Variants in MESP1 observed in about 807,000 individuals in gnomAD.
MESP1 encodes the protein mesoderm posterior bHLH transcription factor 1.
In MESP1, 22 loss-of-function variants were observed where a neutral mutation model predicts 15.2. The observed-to-expected ratio is 1.45, with a 90% CI of 1.04 to 2.07. MESP1 has a LOEUF of 2.07. Ranked by LOEUF, MESP1 falls within the 30% of genes most tolerant of loss-of-function variation. The pLI, the probability that MESP1 is intolerant of heterozygous loss-of-function variation, is 0.00. For missense variants in MESP1, 484 were observed against 411.9 expected, an observed-to-expected ratio of 1.17 and a Z score of -1.51; for synonymous variants, 216 against 192.6, an observed-to-expected ratio of 1.12 and a Z score of -1.01.
In MESP1 at chr15:89,750,019, A is replaced by G; in HGVS notation, c.*125T>C. 2 of 933,626 alleles carry G rather than the reference A, an allele frequency of 2.1e-6. No individual in the cohort carries two copies. Among genetic ancestry groups the G allele is most frequent in the Non-Finnish European group, 1.7e-6 (1 of 578,142 alleles). The allele number at this position is 933,626 out of a possible 1,614,324, so 57.8% of individuals were successfully genotyped here. On this transcript the variant is annotated 3_prime_UTR_variant, in exon 2 of 2. Transcript: ENST00000300057. The stretch of plus-strand genomic sequence containing the variant: ...CGCGGTGGGGACGGCTCTCACCCGC[A>G]GGAATGCCCCCGTCGGGATCGCCCG...
downstream of MESP1, among the ~76,000 whole-genome samples, chr15:89,745,242 G>A (rs1228641791): frequency 1.3e-5 from 2 of 152,166 alleles, no homozygotes; most frequent in African/African-American, 4.8e-5. This position sits in a 1 kb window ranked among gnomAD's most constrained non-coding sequence, Gnocchi z 4.8. Flanking sequence ...CGGGTGGGGA[G>A]AGGGGATCTG....
the MESP1 span, among the ~76,000 whole-genome samples, chr15:89,736,993 G>A: frequency 3.2e-3 from 487 of 152,160 alleles, 1 homozygote; most frequent in Admixed American, 5.0e-3. Context: ...AGGTTTCACC[G>A]TGTTAGCCAG....
the MESP1 span, among the ~76,000 whole-genome samples, chr15:89,737,201 T>C: frequency 2.6e-5 from 4 of 152,074 alleles, no homozygotes; most frequent in East Asian, 3.9e-4. Context: ...GGCTGTTAGA[T>C]TGAGCAAGGT....
chr15:89,750,902 C>CGGTA lies in MESP1; in HGVS notation c.326_329dup (p.Pro111ThrfsTer47), dbSNP rs909560069. On this transcript the variant is annotated frameshift_variant, in exon 1 of 2. Transcript: ENST00000300057. LOFTEE classifies it high-confidence loss of function. ...TCTGGCCCGCGGGCGCCACGGACGG[C>CGGTA]GGTAGAAAGCGGCGCAGCTCGTGCA... 1 of 1,486,534 alleles carries CGGTA rather than the reference C, an allele frequency of 6.7e-7. No homozygotes were observed. Among genetic ancestry groups the CGGTA allele is most frequent in the African/African-American group, 1.4e-5 (1 of 69,040 alleles). 92.1% of individuals were successfully genotyped at this position (1,486,534 alleles called of 1,614,324 possible).
the MESP1 span, chr15:89,738,337 T>C: frequency 7.2e-7 from 1 of 1,395,584 alleles, no homozygotes; most frequent in Non-Finnish European, 9.6e-7. Flanking sequence ...AGCATTGAAA[T>C]TTCCCCTGGC....
chr15:89,749,084 G>A (rs892980415), downstream of MESP1: 1 of 152,176 alleles, frequency 6.6e-6, no homozygotes. Flanking sequence ...CTGGCTGGAT[G>A]AGGACACACT....
chr15:89,748,838 A>G (rs893018236), downstream of MESP1: 7 of 152,124 alleles, frequency 4.6e-5, no homozygotes, highest in African/African-American at 1.7e-4. Context: ...TGCTTGCACA[A>G]CTCTGTGGAT....
At chr15:89,738,288 T>C in the MESP1 span, 24 of 1,515,148 alleles carry the variant, frequency 1.6e-5, no homozygotes, top group Non-Finnish European at 2.1e-5. Context: ...TGTCTCTGGA[T>C]TGAGGGATAG....
In MESP1 at chr15:89,750,960, T is replaced by G; in HGVS notation, c.272A>C (p.Glu91Ala). The G allele has an allele frequency of 6.9e-7, 1 of 1,442,372 alleles. No individual in the cohort carries two copies. Among genetic ancestry groups the G allele is most frequent in the Non-Finnish European group, 9.1e-7 (1 of 1,102,198 alleles). The allele number at this position is 1,442,372 out of a possible 1,614,324, so 89.3% of individuals were successfully genotyped here. A position where few individuals can be genotyped will look rare whatever the true frequency, so the allele number is the denominator to read the frequency against. Residue 91 changes from glutamate (E) to alanine (A), a missense_variant, in exon 1 of 2, where the codon GAG becomes GCG. Transcript: ENST00000300057. ...SGQRQSASEREKLRMRTLARA... is the reference protein window; with the variant it reads ...SGQRQSASERAKLRMRTLARA... Reference sequence around the variant, plus strand: ...GGCCAGCGTGCGCATGCGCAGTTTCTCCCGCTCACTGGCGCTCTGCCTCTG... The same window carrying G: ...GGCCAGCGTGCGCATGCGCAGTTTCGCCCGCTCACTGGCGCTCTGCCTCTG...
downstream of MESP1, among the ~76,000 whole-genome samples, chr15:89,747,038 ACAC>A (rs2141750073): frequency 7.6e-6 from 1 of 131,294 alleles, no homozygotes; most frequent in South Asian, 2.5e-4. Flanking sequence ...CCCACCACAC[ACAC>A]ATGCGCATGC....
chr15:89,742,475 G>C, the MESP1 span, among the ~76,000 whole-genome samples: 1 of 151,866 alleles, frequency 6.6e-6, no homozygotes, highest in South Asian at 2.1e-4. Flanking sequence ...GGTGAATCTT[G>C]GGCTTCTCTG....
the MESP1 span, chr15:89,735,594 C>G: frequency 6.3e-7 from 1 of 1,582,118 alleles, no homozygotes; most frequent in Non-Finnish European, 8.7e-7. Flanking sequence ...CCATGCCTCT[C>G]ATTTCTCTTC....
the MESP1 span, among the ~76,000 whole-genome samples, chr15:89,735,018 G>A: frequency 3.6e-5 from 5 of 138,194 alleles, no homozygotes; most frequent in Admixed American, 1.5e-4. Flanking sequence ...CTTTCCTTCC[G>A]TGCATCCTTC....
chr15:89,750,473 C>A (rs1027805190), intron 1 of MESP1, 36 bp downstream of exon 1: 1 of 1,473,720 alleles, frequency 6.8e-7, no homozygotes, highest in African/African-American at 1.4e-5. Flanking sequence ...TGCGCGGGGG[C>A]ACGGACGAAG....
At chr15:89,741,199 C>T in the MESP1 span, among the ~76,000 whole-genome samples, 1 of 152,114 alleles carries the variant, frequency 6.6e-6, no homozygotes, top group Non-Finnish European at 1.5e-5. Context: ...ATAAATCACA[C>T]CAGAATCTCT....
chr15:89,749,207 C>A (rs1347659592), downstream of MESP1: 1 of 152,188 alleles, frequency 6.6e-6, no homozygotes, highest in Non-Finnish European at 1.5e-5. Context: ...CCTCATCTCA[C>A]CCCATCTAGG....
the MESP1 span, among the ~76,000 whole-genome samples, chr15:89,742,044 C>G: frequency 6.6e-6 from 1 of 152,164 alleles, no homozygotes; most frequent in African/African-American, 2.4e-5. Flanking sequence ...AGCCATCACA[C>G]CCGGCCTCCA....
chr15:89,743,364 G>A, the MESP1 span: 104 of 1,614,146 alleles, frequency 6.4e-5, no homozygotes, highest in East Asian at 8.5e-4. Flanking sequence ...ACTCCTTGTC[G>A]CTCCAGAGAG....
chr15:89,748,460 G>C (rs572832785), downstream of MESP1, among the ~76,000 whole-genome samples: 5 of 152,228 alleles, frequency 3.3e-5, no homozygotes, highest in African/African-American at 9.6e-5. Flanking sequence ...GGCCCGGGCC[G>C]GAGTACTGGA....
Sources: allele counts gnomAD v4.1 joint callset (sites outside exome capture counted in the v4.1 genomes callset), GRCh38; gene constraint gnomAD v4.1.1; non-coding constraint Gnocchi (gnomAD v3.1); transcripts MANE v1.5; gene names NCBI Gene and HGNC (gene_info 2026-07-23, HGNC 2026-07-21).